SIRPB1: variants seen among roughly 807,000 people sequenced by gnomAD.
SIRPB1 encodes signal regulatory protein beta 1.
SIRPB1 carries 28 observed loss-of-function variants against 34.1 expected under a neutral mutation model. The observed-to-expected ratio is 0.82, with a 90% confidence interval of 0.61 to 1.12. The LOEUF (loss-of-function observed/expected upper bound fraction) is 1.12. SIRPB1 is among the 50% of genes most tolerant of loss of function. The probability of loss-of-function intolerance (pLI) is 0.00; values close to 1 mark genes in which losing one functional copy is unlikely to be tolerated. For synonymous variants in SIRPB1, 211 were observed against 203.8 expected, an observed-to-expected ratio of 1.04 and a Z score of -0.30; for missense variants, 499 against 507.0, an observed-to-expected ratio of 0.98 and a Z score of 0.15.
At chr20:1,578,155 C>T (rs942365846) in intron 2 of SIRPB1, 183 bp downstream of exon 2, 19 of 672,304 alleles carry the variant, frequency 2.8e-5, no homozygotes, top group African/African-American at 9.0e-5. Flanking sequence ...CGTGGAGCCT[C>T]GAGCGACTGC....
At chr20:1,614,024 G>C (rs2091595006) in intron 1 of SIRPB1, among the ~76,000 whole-genome samples, 1 of 152,286 alleles carries the variant, frequency 6.6e-6, no homozygotes, top group East Asian at 1.9e-4. Context: ...ACATAAAAGA[G>C]ACCCTCAATA....
At position 1,562,715 on chromosome 20, in the gene SIRPB1, A is replaced by G. The variant is rs2091090743; in HGVS notation, c.*2785T>C. Among the ~76,000 whole-genome samples the G allele has an allele frequency of 6.6e-6, 1 of 152,298 alleles. No homozygotes were observed. Among genetic ancestry groups the G allele is most frequent in the East Asian group, 1.9e-4 (1 of 5,180 alleles). On this transcript the variant is annotated 3_prime_UTR_variant, in exon 6 of 6. Transcript: ENST00000381605. ...GTAACCAGTCATGTTGTGTCTTTCA[A>G]AGTCTGTTGGTGATTGGTCCCTATG... is the stretch of plus-strand genomic sequence containing the variant.
At chr20:1,619,620 T>C (rs1443579765) in intron 1 of SIRPB1, among the ~76,000 whole-genome samples, 2 of 152,210 alleles carry the variant, frequency 1.3e-5, no homozygotes, top group African/African-American at 4.8e-5. Flanking sequence ...GCTTTTTCAA[T>C]TGAAATATTA....
chr20:1,579,090 C>G (rs1195298043), intron 1 of SIRPB1, among the ~76,000 whole-genome samples: 1 of 147,760 alleles, frequency 6.8e-6, no homozygotes, highest in African/African-American at 2.5e-5. Context: ...TAGCTGGGAC[C>G]ACAGGTGCAT....
intron 4 of SIRPB1, among the ~76,000 whole-genome samples, chr20:1,570,144 G>GA (rs1227020138): frequency 3.3e-5 from 5 of 152,164 alleles, no homozygotes; most frequent in African/African-American, 1.2e-4. Flanking sequence ...TTTCCCCTTT[G>GA]GTAAAACTCC....
chr20:1,619,769 T>A, intron 1 of SIRPB1, 100 bp downstream of exon 1: 1 of 875,014 alleles, frequency 1.1e-6, no homozygotes, highest in Middle Eastern at 2.3e-4. Flanking sequence ...CCTTGGCCTT[T>A]CTTGGCAGCA....
rs1455465829 is a variant in SIRPB1 at position 1,579,065 on chromosome 20, C to A, written c.77-371G>T. Among the ~76,000 whole-genome samples the A allele has an allele frequency of 1.4e-5, 2 of 147,970 alleles. 1 individual carries two copies. Among genetic ancestry groups the A allele is most frequent in the Non-Finnish European group, 3.0e-5 (2 of 66,102 alleles). On this transcript the variant is annotated intron_variant, in intron 1 of 5. Coordinates refer to ENST00000381605, the MANE Select transcript of SIRPB1 (RefSeq NM_006065.5). The stretch of plus-strand genomic sequence containing the variant: ...CTTCCAGGCTCAAGAGATCCTTTCT[C>A]CTTGGCCTGCCAAGTAGCTGGGACC...
intron 1 of SIRPB1, among the ~76,000 whole-genome samples, chr20:1,619,577 G>A (rs896454619): frequency 2.0e-4 from 30 of 152,242 alleles, no homozygotes; most frequent in African/African-American, 7.2e-4. Context: ...AGGGCCTCAG[G>A]ACTGGTGAGG....
At chr20:1,569,105 AT>A (rs2091186413) in intron 4 of SIRPB1, among the ~76,000 whole-genome samples, 1 of 152,232 alleles carries the variant, frequency 6.6e-6, no homozygotes, top group Admixed American at 6.5e-5. Context: ...ACCAAAAGTT[AT>A]GCAAAACACA....
intron 5 of SIRPB1, 136 bp from the exon 6 acceptor site, chr20:1,565,633 G>A (rs930830047): frequency 6.7e-6 from 1 of 150,356 alleles, no homozygotes; most frequent in African/African-American, 2.5e-5. Flanking sequence ...GCCTGTTATG[G>A]GTGGACAGGC....
chr20:1,612,876 G>A lies in SIRPB1; in HGVS notation c.76+6993C>T. On this transcript the variant is annotated intron_variant, in intron 1 of 5. Transcript: ENST00000381605. ...ATACACAAAGATAGAGAATAAAACA[G>A]TGGTGACTAGGGGTGAACTTAGGGG... 2.8e-5 allele frequency among the ~76,000 whole-genome samples: 2 copies of A among 72,088 alleles called. 1 individual carries two copies. Among genetic ancestry groups the A allele is most frequent in the Non-Finnish European group, 5.2e-5 (2 of 38,514 alleles). 47.3% of individuals were successfully genotyped at this position (72,088 alleles called of 152,430 possible).
rs60912313 is a variant in SIRPB1, at chr20:1,583,848, TTACTAC to T, written c.77-5160_77-5155del. On this transcript the variant is annotated intron_variant, in intron 1 of 5. Transcript: ENST00000381605. ...GTTGAAGACTGTAGTAAGGGAAGTC[TTACTAC>T]TACTACTACTACTACTACTACTACT... Among the ~76,000 whole-genome samples the T allele has an allele frequency of 9.2e-5, 3 of 32,578 alleles. 1 individual carries two copies. Among genetic ancestry groups the T allele is most frequent in the Non-Finnish European group, 1.7e-4 (3 of 18,026 alleles). 21.4% of individuals were successfully genotyped at this position (32,578 alleles called of 152,430 possible). A position where few individuals can be genotyped will look rare whatever the true frequency, so the allele number is the denominator to read the frequency against.
chr20:1,595,405 GAGACCTC>G lies in SIRPB1; in HGVS notation c.77-16718_77-16712del, dbSNP rs1291642710. Reference sequence around the variant, plus strand: ...TATCTGTCTGAATGACTCTCATGAAGAGACCTCAGACTCTATGCTCTGCAGGGGAGGA... The same window carrying G: ...TATCTGTCTGAATGACTCTCATGAAGAGACTCTATGCTCTGCAGGGGAGGA... On this transcript the variant is annotated intron_variant, in intron 1 of 5. Coordinates refer to ENST00000381605, the MANE Select transcript of SIRPB1 (RefSeq NM_006065.5). Among the ~76,000 whole-genome samples the G allele has an allele frequency of 4.1e-5, 2 of 49,040 alleles. 1 individual carries two copies. The highest frequency in any genetic ancestry group is 2.7e-4 in the Admixed American group (2 of 7,440). The allele number at this position is 49,040 out of a possible 152,430, so 32.2% of individuals were successfully genotyped here. A position where few individuals can be genotyped will look rare whatever the true frequency, so the allele number is the denominator to read the frequency against.
At chr20:1,580,391 A>T (rs1260379193) in intron 1 of SIRPB1, among the ~76,000 whole-genome samples, 1 of 144,000 alleles carries the variant, frequency 6.9e-6, no homozygotes, top group Non-Finnish European at 1.5e-5. Flanking sequence ...CAGATATTAA[A>T]ATCACTGCCT....
In SIRPB1 at chr20:1,571,063, T is replaced by G; in HGVS notation, c.826A>C (p.Asn276His). 1.9e-6 allele frequency: 3 copies of G among 1,614,188 alleles called. No homozygotes were observed. The highest frequency in any genetic ancestry group is 2.5e-6 in the Non-Finnish European group (3 of 1,179,996). ...AGCTGTAGTCCCCGGGGGTAGAAAT[T>G]GCTCACCTGGCAGGTGACGTTTGCC... ...NQANVTCQVSNFYPRGLQLTW... is the reference protein window; with the variant it reads ...NQANVTCQVSHFYPRGLQLTW... Residue 276 changes from asparagine (N) to histidine (H), a missense_variant, in exon 4 of 6, where the codon AAT becomes CAT. Asn to His is a moderately conservative substitution (Grantham distance 68). Coordinates refer to ENST00000381605, the MANE Select transcript of SIRPB1 (RefSeq NM_006065.5).
At chr20:1,573,479 A>G (rs949151939) in intron 2 of SIRPB1, among the ~76,000 whole-genome samples, 3 of 104,224 alleles carry the variant, frequency 2.9e-5, no homozygotes, top group African/African-American at 1.1e-4. Context: ...TAGAAAGCAC[A>G]TATTATACGT....
In SIRPB1 at chr20:1,619,955, T is replaced by G; in HGVS notation, c.-11A>C. On this transcript the variant is annotated 5_prime_UTR_variant, in exon 1 of 6. Coordinates refer to ENST00000381605, the MANE Select transcript of SIRPB1 (RefSeq NM_006065.5). ...GGCTGGCACGGGCATTCTGGAGACC[T>G]TAGGAGCCTGCTCTGTCCAAACGTC... 1 of 1,612,218 alleles carries G rather than the reference T, an allele frequency of 6.2e-7. No homozygotes were observed. Among genetic ancestry groups the G allele is most frequent in the Non-Finnish European group, 8.5e-7 (1 of 1,178,982 alleles).
At chr20:1,577,784 A>G (rs2091337939) in intron 2 of SIRPB1, among the ~76,000 whole-genome samples, 1 of 146,326 alleles carries the variant, frequency 6.8e-6, no homozygotes, top group African/African-American at 2.5e-5. Context: ...AAAAAAAACA[A>G]CCACGATTTA....
At chr20:1,568,813 A>G (rs2091181135) in intron 4 of SIRPB1, among the ~76,000 whole-genome samples, 1 of 151,858 alleles carries the variant, frequency 6.6e-6, no homozygotes, top group East Asian at 1.9e-4. Flanking sequence ...GATAGGAATT[A>G]ATTTAAAAAA....
Sources: allele counts gnomAD v4.1 joint callset (sites outside exome capture counted in the v4.1 genomes callset), GRCh38; gene constraint gnomAD v4.1.1; transcripts MANE v1.5; gene names NCBI Gene and HGNC (gene_info 2026-07-23, HGNC 2026-07-21).